NXN: variants seen among roughly 807,000 people sequenced by gnomAD.
NXN encodes the protein nucleoredoxin 1.
Under a neutral mutation model 48.6 loss-of-function variants are expected in NXN, and 16 were observed. That is an observed-to-expected ratio of 0.33 (90% CI 0.22 to 0.50). NXN has a LOEUF of 0.50. Among genes scored for constraint, NXN ranks in the 20% least tolerant of loss-of-function variants. The pLI is 0.98. For synonymous variants in NXN, 281 were observed against 269.6 expected, an observed-to-expected ratio of 1.04 and a Z score of -0.41; for missense variants, 492 against 605.5, an observed-to-expected ratio of 0.81 and a Z score of 1.97.
rs1161852489 is a variant in NXN, at chr17:956,386, G to A, written c.360+22933C>T. Among the ~76,000 whole-genome samples, 1 of 152,058 alleles carries A rather than the reference G, an allele frequency of 6.6e-6. No individual in the cohort carries two copies. The highest frequency in any genetic ancestry group is 1.5e-5 in the Non-Finnish European group (1 of 68,022). Reference sequence around the variant, plus strand: ...ACCGTCTTCTGGCCTTTTCCTCTGTGCCCAGCACTATGTTCAGGGCTTTTT... The same window carrying A: ...ACCGTCTTCTGGCCTTTTCCTCTGTACCCAGCACTATGTTCAGGGCTTTTT... On this transcript the variant is annotated intron_variant, in intron 1 of 7. Coordinates refer to ENST00000336868, the MANE Select transcript of NXN (RefSeq NM_022463.5). The surrounding 1 kb of genome is among the most constrained non-coding windows in gnomAD (Gnocchi z 4.1).
At chr17:973,396 T>C (rs1275484619) in intron 1 of NXN, among the ~76,000 whole-genome samples, 1 of 152,186 alleles carries the variant, frequency 6.6e-6, no homozygotes, top group East Asian at 1.9e-4. Flanking sequence ...ACACACCTAA[T>C]AGCTTTGGGA....
At chr17:845,892 G>A (rs1446287106) in intron 1 of NXN, among the ~76,000 whole-genome samples, 1 of 151,620 alleles carries the variant, frequency 6.6e-6, no homozygotes, top group East Asian at 2.0e-4. Flanking sequence ...GCAAAACCCC[G>A]TCTCTACTAA....
chr17:896,110 C>G (rs1202784997), intron 1 of NXN, among the ~76,000 whole-genome samples: 1 of 151,910 alleles, frequency 6.6e-6, no homozygotes, highest in Non-Finnish European at 1.5e-5. Context: ...GAGGCTGAGG[C>G]AGGCGGATCA....
intron 5 of NXN, among the ~76,000 whole-genome samples, chr17:810,091 G>C (rs769610780): frequency 4.2e-4 from 34 of 80,002 alleles, no homozygotes; most frequent in East Asian, 8.4e-4. Context: ...TTACGAGTCC[G>C]TGTGAGTGGC....
chr17:824,883 C>T (rs914711528), intron 2 of NXN, among the ~76,000 whole-genome samples: 3 of 152,112 alleles, frequency 2.0e-5, no homozygotes, highest in Non-Finnish European at 2.9e-5. Context: ...TGCAGGTGGT[C>T]GGGCCTCCCC....
At position 951,174 on chromosome 17, in the gene NXN, TTAAAAAAAA is replaced by T. The variant is rs1416632800; in HGVS notation, c.360+28136_360+28144del. 6.8e-4 allele frequency among the ~76,000 whole-genome samples: 46 copies of T among 67,528 alleles called. 1 individual carries two copies. The highest frequency in any genetic ancestry group is 1.3e-3 in the East Asian group (3 of 2,374). The allele number at this position is 67,528 out of a possible 152,430, so 44.3% of individuals were successfully genotyped here. On this transcript the variant is annotated intron_variant, in intron 1 of 7. Transcript: ENST00000336868. ...CAACATGGTGAAACCCTGTCTCTAC[TTAAAAAAAA>T]AAAAAAAAAAAAAAAAAAAAGCTGG...
intron 1 of NXN, among the ~76,000 whole-genome samples, chr17:963,388 A>G (rs1486276803): frequency 4.0e-5 from 6 of 151,710 alleles, no homozygotes; most frequent in African/African-American, 1.5e-4. Flanking sequence ...GGATCGCTTG[A>G]GGCCAGGAGT....
chr17:811,822 C>A (rs1263986845), intron 5 of NXN, among the ~76,000 whole-genome samples: 1 of 151,974 alleles, frequency 6.6e-6, no homozygotes, highest in African/African-American at 2.4e-5. Context: ...CACCTCAACG[C>A]ACTGGCAGCA....
chr17:926,820 G>T (rs1389829991), intron 1 of NXN, among the ~76,000 whole-genome samples: 1 of 152,094 alleles, frequency 6.6e-6, no homozygotes, highest in East Asian at 1.9e-4. Context: ...GGGATTCCAG[G>T]CGTGAGCCAA....
In NXN at chr17:864,251, G is replaced by A. The variant is rs1176462485; in HGVS notation, c.361-38173C>T. ...TTGTCTTCAACTTTTCTGTAGGTCTGAAATTTCCCAAGATAAAAAGTTCGG... is the reference window on the plus strand; with the variant it reads ...TTGTCTTCAACTTTTCTGTAGGTCTAAAATTTCCCAAGATAAAAAGTTCGG... On this transcript the variant is annotated intron_variant, in intron 1 of 7. Transcript: ENST00000336868. 5 of 1,167,148 alleles carry A rather than the reference G, an allele frequency of 4.3e-6. No homozygotes were observed. The African/African-American group carries it at 8.3e-5, about 19-fold the overall frequency. The allele number at this position is 1,167,148 out of a possible 1,614,324, so 72.3% of individuals were successfully genotyped here.
chr17:944,833 C>T (rs1047949049), intron 1 of NXN, among the ~76,000 whole-genome samples: 5 of 151,886 alleles, frequency 3.3e-5, no homozygotes, highest in African/African-American at 4.8e-5. Flanking sequence ...TCGTGGCCAA[C>T]GGGGTCAGTG....
chr17:896,855 C>CCGGGGGG, intron 1 of NXN: 2 of 1,102,000 alleles, frequency 1.8e-6, no homozygotes, highest in Non-Finnish European at 2.4e-6. Flanking sequence ...GCGGTCCTGA[C>CCGGGGGG]CACCCGCCCC....
chr17:950,531 A>G (rs1247614906), intron 1 of NXN, among the ~76,000 whole-genome samples: 1 of 149,550 alleles, frequency 6.7e-6, no homozygotes, highest in Non-Finnish European at 1.5e-5. Context: ...AAAGCTCAGC[A>G]TGTGCTTCTA....
chr17:827,295 G>A (rs554782118), intron 1 of NXN, among the ~76,000 whole-genome samples: 5 of 151,800 alleles, frequency 3.3e-5, no homozygotes, highest in African/African-American at 4.8e-5. Context: ...TGGCCAACAC[G>A]GTGAAACCCC....
intron 1 of NXN, among the ~76,000 whole-genome samples, chr17:906,075 T>C (rs1191679154): frequency 6.6e-6 from 1 of 152,184 alleles, no homozygotes; most frequent in East Asian, 1.9e-4. Context: ...TGAAATGTAA[T>C]CAATATAAAC....
At chr17:893,946 G>C (rs2068451614) in intron 1 of NXN, among the ~76,000 whole-genome samples, 1 of 113,958 alleles carries the variant, frequency 8.8e-6, no homozygotes, top group Non-Finnish European at 1.8e-5. Flanking sequence ...CTCCCTGGAA[G>C]CCAGAGGAAG....
chr17:948,132 C>A (rs979538355), intron 1 of NXN, among the ~76,000 whole-genome samples: 3 of 151,940 alleles, frequency 2.0e-5, no homozygotes, highest in African/African-American at 7.3e-5. Context: ...TACAACACAG[C>A]ATAACGACTA....
At chr17:925,397 T>TGACTGACTGAGACAGAG (rs1052548162) in intron 1 of NXN, among the ~76,000 whole-genome samples, 1 of 151,440 alleles carries the variant, frequency 6.6e-6, no homozygotes, top group Non-Finnish European at 1.5e-5. Flanking sequence ...TTTTCCTGAT[T>TGACTGACTGAGACAGAG]GACTGACTGA....
chr17:853,065 C>T (rs1012040811), intron 1 of NXN, among the ~76,000 whole-genome samples: 2 of 151,970 alleles, frequency 1.3e-5, no homozygotes, highest in Non-Finnish European at 2.9e-5. Context: ...GCAAGCTCCA[C>T]CCCCTGGGTT....
Sources: gnomAD v4.1 joint callset for allele counts (sites outside exome capture counted in the v4.1 genomes callset) on GRCh38, gnomAD v4.1.1 for gene constraint, Gnocchi (gnomAD v3.1) non-coding constraint, MANE v1.5 for transcripts, NCBI Gene and HGNC (gene_info 2026-07-23, HGNC 2026-07-21) for gene names.